Variants in SYNPO observed in about 807,000 individuals in gnomAD.
SYNPO encodes the protein synaptopodin.
A neutral mutation model predicts 49.5 loss-of-function variants in SYNPO; 19 were observed. The ratio of observed to expected loss-of-function variants is 0.38; its 90% CI spans 0.27 to 0.56. The LOEUF (loss-of-function observed/expected upper bound fraction) is 0.56, where lower values mean the gene tolerates loss of function less well. Ranked by LOEUF, SYNPO falls within the 20% of genes least tolerant of loss-of-function variation. The probability of loss-of-function intolerance (pLI) is 0.68; values close to 1 mark genes in which losing one functional copy is unlikely to be tolerated. For synonymous variants in SYNPO, 536 were observed against 548.0 expected (o/e 0.98, Z 0.31); for missense variants, 1,131 against 1,248.3 (o/e 0.91, Z 1.42).
intron 1 of SYNPO, among the ~76,000 whole-genome samples, chr5:150,612,793 T>G (rs773439155): frequency 2.0e-5 from 3 of 152,212 alleles, no homozygotes; most frequent in Non-Finnish European, 4.4e-5. Context: ...TTTTTTCTTT[T>G]TTCTGAGACA....
At chr5:150,629,671 T>C (rs1169385694) in intron 2 of SYNPO, among the ~76,000 whole-genome samples, 1 of 152,186 alleles carries the variant, frequency 6.6e-6, no homozygotes, top group Admixed American at 6.5e-5. Context: ...TCTTAGAGTC[T>C]AAGAGTGCTT....
the SYNPO span, among the ~76,000 whole-genome samples, chr5:150,590,123 A>G: frequency 2.6e-5 from 4 of 152,148 alleles, no homozygotes; most frequent in Non-Finnish European, 1.5e-5. Context: ...CATGTTTCCT[A>G]TTATTTTACA....
rs141856687 is a variant in SYNPO at position 150,649,123 on chromosome 5, G to A, written c.848G>A (p.Arg283Gln). 3.3e-4 allele frequency: 536 copies of A among 1,613,998 alleles called. No individual in the cohort carries two copies. The highest frequency in any genetic ancestry group is 5.2e-4 in the Admixed American group (31 of 60,004). ...CCCAGTTTGCCAGACAGGAGCCCCC[G>A]GCCACAGAGACACATAATGTCCCGC... is the stretch of plus-strand genomic sequence containing the variant. ...QPPSLPDRSP[R>Q]PQRHIMSRSP... Residue 283 changes from arginine to glutamine, a missense_variant, in exon 2 of 3, where the codon CGG (arginine) becomes CAG (glutamine). Physicochemically the swap from Arg to Gln is conservative, Grantham distance 43 (BLOSUM62 1). This residue lies in a region of SYNPO where 602 missense variants were observed against 720.7 expected (regional missense o/e 0.84). Coordinates refer to ENST00000307662, the MANE Select transcript of SYNPO (RefSeq NM_007286.6).
rs200637760 is a variant in SYNPO, at chr5:150,657,430, T to A, written c.*343T>A. ...CACTCTCTCTTTCTCTCTCTCTCTC[T>A]CTCACACACACACACACACACACAC... On this transcript the variant is annotated 3_prime_UTR_variant, in exon 3 of 3. Transcript: ENST00000307662. 60 of 157,566 alleles carry A rather than the reference T, an allele frequency of 3.8e-4. 2 individuals are homozygous for A. In the East Asian group the frequency reaches 9.2e-3, roughly 24 times the overall value. 9.8% of individuals were successfully genotyped at this position (157,566 alleles called of 1,614,324 possible). A position where few individuals can be genotyped will look rare whatever the true frequency, so the allele number is the denominator to read the frequency against.
At chr5:150,629,132 C>T (rs1757457958) in intron 2 of SYNPO, among the ~76,000 whole-genome samples, 1 of 152,122 alleles carries the variant, frequency 6.6e-6, no homozygotes, top group Non-Finnish European at 1.5e-5. Context: ...GATCCTCCCA[C>T]CTCCTAAGTA....
chr5:150,640,566 A>G (rs2151402101), upstream of SYNPO: 1 of 815,750 alleles, frequency 1.2e-6, no homozygotes, highest in Non-Finnish European at 1.5e-6. Flanking sequence ...GGAGGGAGGA[A>G]GATGAATCTG....
upstream of SYNPO, among the ~76,000 whole-genome samples, chr5:150,599,334 T>A (rs1028207516): frequency 6.6e-6 from 1 of 152,224 alleles, no homozygotes; most frequent in Non-Finnish European, 1.5e-5. Context: ...AGCTTCTGCA[T>A]CAGTGCCCCC....
In SYNPO at chr5:150,648,148, G is replaced by C. The variant is rs757549506; in HGVS notation, c.-128G>C. 4 of 1,554,002 alleles carry C rather than the reference G, an allele frequency of 2.6e-6. No individual in the cohort carries two copies. In the East Asian group the frequency reaches 7.3e-5, roughly 28 times the overall value. On this transcript the variant is annotated 5_prime_UTR_variant, in exon 2 of 3. Transcript: ENST00000307662. The surrounding 1 kb of genome is among the most constrained non-coding windows in gnomAD (Gnocchi z 5.0). Reference sequence around the variant, plus strand: ...CAGAAGCCCAGCCAGGAGTCCCTCAGAGTGCTCCCTTCAAGCCTCCCAGGC... The same window carrying C: ...CAGAAGCCCAGCCAGGAGTCCCTCACAGTGCTCCCTTCAAGCCTCCCAGGC...
chr5:150,642,662 G>T (rs1478025335), intron 1 of SYNPO, among the ~76,000 whole-genome samples: 1 of 152,136 alleles, frequency 6.6e-6, no homozygotes, highest in Admixed American at 6.5e-5. Flanking sequence ...GTGTCCCCCC[G>T]CCTCCCCAGC....
chr5:150,649,875 C>T lies in SYNPO; in HGVS notation c.1600C>T (p.Arg534Ter), dbSNP rs1297565198. 2.5e-6 allele frequency: 4 copies of T among 1,609,318 alleles called. No homozygotes were observed. The highest frequency in any genetic ancestry group is 2.5e-6 in the Non-Finnish European group (3 of 1,179,990). The change falls in exon 2 of 3, where the codon CGA becomes TGA. Residue 534 changes from arginine to a stop codon, truncating the protein, a stop_gained. Coordinates refer to ENST00000307662, the MANE Select transcript of SYNPO (RefSeq NM_007286.6). LOFTEE classifies it high-confidence loss of function. ...CCCCGGGGCCTTCCGAGTGGCATCC[C>T]GAAGCCCAGCCCGGACCCCGCCTGC... ...NAPGAFRVAS[R>*]SPARTPPASL...
the SYNPO span, among the ~76,000 whole-genome samples, chr5:150,589,336 T>A: frequency 2.0e-5 from 3 of 152,280 alleles, no homozygotes; most frequent in South Asian, 6.2e-4. Context: ...AGTGCTAGGA[T>A]TACAGGCAAG....
chr5:150,621,232 C>T (rs922208766), intron 2 of SYNPO, among the ~76,000 whole-genome samples: 1 of 152,134 alleles, frequency 6.6e-6, no homozygotes, highest in Non-Finnish European at 1.5e-5. Context: ...GGATTATAGG[C>T]GTGAGCCACC....
At chr5:150,617,370 A>G (rs1169535123) in intron 1 of SYNPO, among the ~76,000 whole-genome samples, 1 of 151,984 alleles carries the variant, frequency 6.6e-6, no homozygotes, top group Admixed American at 6.6e-5. Flanking sequence ...ATCTCGGTTC[A>G]CTGCAACCTC....
At chr5:150,625,980 AG>A (rs1280522823) in intron 2 of SYNPO, among the ~76,000 whole-genome samples, 7 of 152,186 alleles carry the variant, frequency 4.6e-5, no homozygotes, top group Non-Finnish European at 7.4e-5. Context: ...GTAGCCCCTG[AG>A]GGGGAAATTG....
chr5:150,608,252 G>C (rs191194777), intron 1 of SYNPO, among the ~76,000 whole-genome samples: 5 of 152,344 alleles, frequency 3.3e-5, no homozygotes, highest in Admixed American at 3.3e-4. Flanking sequence ...CCAGGAGCTT[G>C]ATGTCTCACA....
At chr5:150,655,459 C>T (rs928675471) in intron 2 of SYNPO, among the ~76,000 whole-genome samples, 4 of 152,164 alleles carry the variant, frequency 2.6e-5, no homozygotes, top group Non-Finnish European at 4.4e-5. Flanking sequence ...GGCCCTGGGC[C>T]CGGGACCTCC....
At chr5:150,618,408 G>C in exon 2 of SYNPO, 1 of 1,551,508 alleles carries the variant, frequency 6.4e-7, no homozygotes, top group Non-Finnish European at 8.7e-7. Flanking sequence ...CTTGCACCCA[G>C]CGAAGGGAGG....
chr5:150,633,842 C>T (rs1486978409), intron 2 of SYNPO, among the ~76,000 whole-genome samples: 2 of 152,136 alleles, frequency 1.3e-5, no homozygotes, highest in Non-Finnish European at 1.5e-5. Flanking sequence ...TTATCATAGG[C>T]TGTGTGCGGT....
chr5:150,607,911 T>A (rs1191583916), intron 1 of SYNPO, among the ~76,000 whole-genome samples: 3 of 152,132 alleles, frequency 2.0e-5, no homozygotes, highest in African/African-American at 7.3e-5. Flanking sequence ...TTTTACATTC[T>A]TTTTTTGGTA....
Sources: gnomAD v4.1 joint callset for allele counts (sites outside exome capture counted in the v4.1 genomes callset) on GRCh38, gnomAD v4.1.1 for gene constraint, gnomAD v4.1.1 regional missense constraint, Gnocchi (gnomAD v3.1) non-coding constraint, MANE v1.5 for transcripts, NCBI Gene and HGNC (gene_info 2026-07-23, HGNC 2026-07-21) for gene names.